The following PRKAR1A variants were observed in gnomAD, a reference collection of about 807,000 sequenced individuals.
PRKAR1A encodes the protein protein kinase cAMP-dependent type I regulatory subunit alpha, also known as cAMP-dependent protein kinase type I-alpha regulatory subunit.
A neutral mutation model predicts 52.0 loss-of-function variants in PRKAR1A; 3 were observed. The ratio of observed to expected loss-of-function variants is 0.06; its 90% CI spans 0.03 to 0.15. PRKAR1A has a LOEUF of 0.15. Among genes scored for constraint, PRKAR1A ranks in the 10% least tolerant of loss-of-function variants. The probability of loss-of-function intolerance (pLI) is 1.00; values close to 1 mark genes in which losing one functional copy is unlikely to be tolerated. For missense variants in PRKAR1A, 240 were observed against 477.4 expected, an observed-to-expected ratio of 0.50 and a Z score of 4.63; for synonymous variants, 188 against 168.4, an observed-to-expected ratio of 1.12 and a Z score of -0.90.
At chr17:68,476,156 A>T in the PRKAR1A span, among the ~76,000 whole-genome samples, 21 of 152,068 alleles carry the variant, frequency 1.4e-4, no homozygotes, top group Admixed American at 1.0e-3. Context: ...TAATATTTAT[A>T]ATCTACTATA....
At chr17:68,460,784 T>G in the PRKAR1A span, among the ~76,000 whole-genome samples, 2 of 152,224 alleles carry the variant, frequency 1.3e-5, no homozygotes, top group African/African-American at 4.8e-5. Context: ...GCTAGCTGGA[T>G]GTGGTTTGTG....
chr17:68,426,239 G>GGGT, the PRKAR1A span: 104 of 1,170,168 alleles, frequency 8.9e-5, 1 homozygote, highest in African/African-American at 1.5e-3. Context: ...ATGACCTGGC[G>GGGT]GGTGGGGAGC....
the PRKAR1A span, chr17:68,444,558 T>G: frequency 6.2e-7 from 1 of 1,614,112 alleles, no homozygotes; most frequent in Non-Finnish European, 8.5e-7. Flanking sequence ...GTTGTGAATA[T>G]AAATGGACTC....
intron 11 of PRKAR1A, chr17:68,542,569 C>T: frequency 2.6e-6 from 2 of 778,046 alleles, no homozygotes; most frequent in Non-Finnish European, 4.5e-6. Flanking sequence ...CTTACAACTT[C>T]ATACGCCCAT....
intron 1 of PRKAR1A, chr17:68,512,833 C>T (rs1476110990): frequency 6.6e-6 from 1 of 151,982 alleles, no homozygotes; most frequent in Non-Finnish European, 1.5e-5. Context: ...GGGCCCTGGG[C>T]CCTCCGCGGC....
the PRKAR1A span, chr17:68,436,449 T>C: frequency 3.7e-6 from 6 of 1,613,758 alleles, no homozygotes; most frequent in East Asian, 2.2e-5. Flanking sequence ...CAGGTAAGAA[T>C]TGGAATGGTT....
In PRKAR1A at chr17:68,523,566, T is replaced by A. The variant is rs555458659; in HGVS notation, c.349-159T>A. On this transcript the variant is annotated intron_variant, in intron 3 of 10. Transcript: ENST00000589228. Reference sequence around the variant, plus strand: ...ATTAGTCAATACTTGTTGAGTAGTTTATGGATCAAAGATAGTACAAGTGTG... The same window carrying A: ...ATTAGTCAATACTTGTTGAGTAGTTAATGGATCAAAGATAGTACAAGTGTG... 1.2e-5 allele frequency: 8 copies of A among 659,670 alleles called. No homozygotes were observed. In the South Asian group the frequency reaches 1.4e-4, roughly 11 times the overall value. The allele number at this position is 659,670 out of a possible 1,614,324, so 40.9% of individuals were successfully genotyped here.
At chr17:68,486,484 TC>T in the PRKAR1A span, among the ~76,000 whole-genome samples, 18 of 57,976 alleles carry the variant, frequency 3.1e-4, no homozygotes, top group African/African-American at 5.4e-4. Context: ...CTTCCTTCCT[TC>T]CTTCCTTCCT....
chr17:68,501,768 T>C, the PRKAR1A span, among the ~76,000 whole-genome samples: 1 of 152,208 alleles, frequency 6.6e-6, no homozygotes. Flanking sequence ...CTCAGCTCTC[T>C]TAAACTTCCG....
chr17:68,528,393 T>C (rs1430800754), intron 8 of PRKAR1A, among the ~76,000 whole-genome samples: 1 of 152,248 alleles, frequency 6.6e-6, no homozygotes, highest in Non-Finnish European at 1.5e-5. Context: ...TGGTTACATA[T>C]GCTTTGTGTT....
chr17:68,420,402 A>T, the PRKAR1A span: 1 of 1,614,026 alleles, frequency 6.2e-7, no homozygotes, highest in Non-Finnish European at 8.5e-7. Flanking sequence ...TACACTCAGG[A>T]CCCTTCAGTA....
rs917497011 is a variant in PRKAR1A, at chr17:68,525,833, C to T, written c.629C>T (p.Pro210Leu). 5 of 1,613,414 alleles carry T rather than the reference C, an allele frequency of 3.1e-6. No individual in the cohort carries two copies. Among genetic ancestry groups the T allele is most frequent in the East Asian group, 2.2e-5 (1 of 44,866 alleles). ...FGELALIYGT[P>L]RAATVKAKTN... is the part of the protein sequence containing the mutation. ...GAACTTGCTTTGATTTATGGAACACCGAGAGCAGCCACTGTCAAAGCAAAG... is the reference window on the plus strand; with the variant it reads ...GAACTTGCTTTGATTTATGGAACACTGAGAGCAGCCACTGTCAAAGCAAAG... The change falls in exon 7 of 11, where the codon CCG (proline) becomes CTG (leucine). Residue 210 changes from proline (P) to leucine (L), a missense_variant. This residue lies in a region of PRKAR1A where 107 missense variants were observed against 290.9 expected (regional missense o/e 0.37). Coordinates refer to ENST00000589228, the MANE Select transcript of PRKAR1A (RefSeq NM_002734.5).
the PRKAR1A span, among the ~76,000 whole-genome samples, chr17:68,442,421 C>T: frequency 8.0e-5 from 12 of 149,424 alleles, no homozygotes; most frequent in African/African-American, 2.2e-4. Flanking sequence ...GCTGAGATTG[C>T]ACCACCTCAC....
chr17:68,473,101 C>T, the PRKAR1A span, among the ~76,000 whole-genome samples: 1 of 152,190 alleles, frequency 6.6e-6, no homozygotes, highest in Admixed American at 6.5e-5. Context: ...ATCAGCCTCT[C>T]TTGGCAAATG....
At chr17:68,540,400 G>T in intron 11 of PRKAR1A, 1 of 447,600 alleles carries the variant, frequency 2.2e-6, no homozygotes, top group East Asian at 6.8e-5. Flanking sequence ...TCCGACCTAA[G>T]CTCCTGTATG....
chr17:68,459,096 G>A, the PRKAR1A span, among the ~76,000 whole-genome samples: 1 of 152,136 alleles, frequency 6.6e-6, no homozygotes, highest in Non-Finnish European at 1.5e-5. Flanking sequence ...CTCCACTGAT[G>A]TAAAAAATAG....
At chr17:68,497,369 G>A in the PRKAR1A span, among the ~76,000 whole-genome samples, 1 of 152,118 alleles carries the variant, frequency 6.6e-6, no homozygotes, top group Non-Finnish European at 1.5e-5. Context: ...AAAAAAAATT[G>A]CTAGTCCCCG....
At chr17:68,548,499 C>G (rs1834808318) in intron 11 of PRKAR1A, among the ~76,000 whole-genome samples, 1 of 151,670 alleles carries the variant, frequency 6.6e-6, no homozygotes, top group Non-Finnish European at 1.5e-5. Context: ...CATTGCACTC[C>G]AGCCTGGGCA....
At chr17:68,539,526 T>C in intron 11 of PRKAR1A, 1 of 804,616 alleles carries the variant, frequency 1.2e-6, no homozygotes, top group Non-Finnish European at 2.1e-6. Flanking sequence ...GGCAGCTGCC[T>C]CTCCAGCCCC....
Sources: gnomAD v4.1 joint callset for allele counts (sites outside exome capture counted in the v4.1 genomes callset) on GRCh38, gnomAD v4.1.1 for gene constraint, gnomAD v4.1.1 regional missense constraint, MANE v1.5 for transcripts, NCBI Gene and HGNC (gene_info 2026-07-23, HGNC 2026-07-21) for gene names.